GRM3: variants seen among roughly 807,000 people sequenced by gnomAD.
GRM3 encodes metabotropic glutamate receptor 3.
In GRM3, 26 loss-of-function variants were observed where a neutral mutation model predicts 70.5. That is an observed-to-expected ratio of 0.37 (90% CI 0.27 to 0.51). The LOEUF is 0.51. Ranked by LOEUF, GRM3 falls within the 20% of genes least tolerant of loss-of-function variation. The pLI is 0.93. For missense variants in GRM3, 859 were observed against 1,123.8 expected (o/e 0.76, Z 3.37); for synonymous variants, 443 against 434.9 (o/e 1.02, Z -0.23).
intron 3 of GRM3, among the ~76,000 whole-genome samples, chr7:86,835,817 G>T (rs918546089): frequency 6.6e-6 from 1 of 151,996 alleles, no homozygotes; most frequent in Non-Finnish European, 1.5e-5. Context: ...TCATCACATT[G>T]CCCAGGCTGG....
intron 3 of GRM3, among the ~76,000 whole-genome samples, chr7:86,797,257 T>C (rs1235534836): frequency 3.3e-5 from 5 of 152,166 alleles, no homozygotes; most frequent in African/African-American, 1.2e-4. Flanking sequence ...GTGGGAAAGT[T>C]TGGAACTTCC....
intron 1 of GRM3, among the ~76,000 whole-genome samples, chr7:86,669,248 T>C (rs1794109555): frequency 1.3e-5 from 2 of 152,146 alleles, no homozygotes; most frequent in Non-Finnish European, 2.9e-5. Context: ...TCAGAATCAC[T>C]AGGGCTGGGG....
At chr7:86,815,517 C>T (rs930795122) in intron 3 of GRM3, among the ~76,000 whole-genome samples, 2 of 151,876 alleles carry the variant, frequency 1.3e-5, no homozygotes, top group Admixed American at 1.3e-4. Context: ...CAAGTTTCTA[C>T]CATCATATGC....
rs533717559 is a variant in GRM3, at chr7:86,698,522, A to T, written c.-141+53650A>T. 3.0e-4 allele frequency among the ~76,000 whole-genome samples: 43 copies of T among 143,342 alleles called. 1 individual carries two copies. The highest frequency in any genetic ancestry group is 1.7e-3 in the South Asian group (8 of 4,652). 94.0% of individuals were successfully genotyped at this position (143,342 alleles called of 152,430 possible). On this transcript the variant is annotated intron_variant, in intron 1 of 5. Transcript: ENST00000361669. ...AGAGTCCCATGTCTAAAAAGTATTT[A>T]TATATATATATATATAAAATACACA... is the stretch of plus-strand genomic sequence containing the variant.
chr7:86,782,437 G>A (rs1167213648), intron 2 of GRM3, among the ~76,000 whole-genome samples: 1 of 151,950 alleles, frequency 6.6e-6, no homozygotes, highest in East Asian at 1.9e-4. Flanking sequence ...GAATGAGAAA[G>A]TAAGAGGGAT....
At chr7:86,809,505 T>C (rs1479768487) in intron 3 of GRM3, among the ~76,000 whole-genome samples, 17 of 152,020 alleles carry the variant, frequency 1.1e-4, no homozygotes. Context: ...AATCCTCGGG[T>C]TGCTCTAGCC....
chr7:86,734,755 C>T (rs1036574047), intron 1 of GRM3, among the ~76,000 whole-genome samples: 5 of 152,088 alleles, frequency 3.3e-5, no homozygotes, highest in African/African-American at 1.2e-4. Context: ...CTGTATCTTT[C>T]TCTGGCCTAT....
chr7:86,779,967 C>A (rs909216766), intron 2 of GRM3, among the ~76,000 whole-genome samples: 1 of 152,118 alleles, frequency 6.6e-6, no homozygotes, highest in African/African-American at 2.4e-5. Flanking sequence ...GGAAAAGACA[C>A]AAATACTAAT....
chr7:86,713,768 T>C (rs536315998), intron 1 of GRM3, among the ~76,000 whole-genome samples: 36 of 152,112 alleles, frequency 2.4e-4, no homozygotes, highest in Non-Finnish European at 4.4e-4. Context: ...TCTATGTACA[T>C]AGAAAATGTC....
chr7:86,832,906 C>A (rs1443159900), intron 3 of GRM3: 17 of 417,168 alleles, frequency 4.1e-5, no homozygotes, highest in Non-Finnish European at 5.5e-5. Flanking sequence ...AAGTGAAGAC[C>A]TGATTTTGAA....
intron 1 of GRM3, among the ~76,000 whole-genome samples, chr7:86,725,047 A>C (rs1214669807): frequency 1.3e-5 from 2 of 151,940 alleles, no homozygotes; most frequent in African/African-American, 4.8e-5. Flanking sequence ...GCCTGGAAAC[A>C]CTTCTTACTA....
chr7:86,644,686 C>A lies in GRM3; in HGVS notation c.-327C>A. ...GGGGGCACTGTGACAGGAAGCTGCG[C>A]GCACAAGTTGGCCATTTCGAGGGCA... On this transcript the variant is annotated 5_prime_UTR_variant, in exon 1 of 6. Coordinates refer to ENST00000361669, the MANE Select transcript of GRM3 (RefSeq NM_000840.3). 2.7e-6 allele frequency: 2 copies of A among 735,578 alleles called. No individual in the cohort carries two copies. The highest frequency in any genetic ancestry group is 4.2e-6 in the Non-Finnish European group (2 of 481,684). The allele number at this position is 735,578 out of a possible 1,614,324, so 45.6% of individuals were successfully genotyped here.
intron 5 of GRM3, among the ~76,000 whole-genome samples, chr7:86,858,345 T>G (rs1224362583): frequency 6.6e-6 from 1 of 152,152 alleles, no homozygotes; most frequent in Non-Finnish European, 1.5e-5. Flanking sequence ...GTCCTCCAAA[T>G]TTCATGTGTT....
chr7:86,820,414 T>G (rs1212920457), intron 3 of GRM3, among the ~76,000 whole-genome samples: 1 of 152,140 alleles, frequency 6.6e-6, no homozygotes, highest in Non-Finnish European at 1.5e-5. Context: ...TTTAAAGAGA[T>G]AATAGAACTG....
intron 2 of GRM3, among the ~76,000 whole-genome samples, chr7:86,773,586 T>C (rs1349906645): frequency 7.2e-6 from 1 of 139,812 alleles, no homozygotes; most frequent in African/African-American, 2.7e-5. Context: ...ACAGAATCTT[T>C]TCATTTATTT....
intron 1 of GRM3, among the ~76,000 whole-genome samples, chr7:86,676,192 A>G (rs985099866): frequency 2.0e-5 from 3 of 151,992 alleles, no homozygotes; most frequent in African/African-American, 7.2e-5. Context: ...GAAATTCTAT[A>G]AAGATTACCA....
chr7:86,698,444 C>T (rs1424921132), intron 1 of GRM3, among the ~76,000 whole-genome samples: 3 of 151,226 alleles, frequency 2.0e-5, no homozygotes, highest in Non-Finnish European at 2.9e-5. Context: ...CTCAACCCCC[C>T]ACCACAAATA....
intron 1 of GRM3, among the ~76,000 whole-genome samples, chr7:86,702,783 C>T (rs958556658): frequency 6.6e-6 from 1 of 151,932 alleles, no homozygotes; most frequent in Non-Finnish European, 1.5e-5. Flanking sequence ...AGTTCTAACA[C>T]CTGAACACAG....
rs540224564 is a variant in GRM3 at position 86,787,673 on chromosome 7, C to T, written c.1324+557C>T. On this transcript the variant is annotated intron_variant, in intron 3 of 5. Coordinates refer to ENST00000361669, the MANE Select transcript of GRM3 (RefSeq NM_000840.3). ...CATTCCGTTTATTTTTCTGCTATACCAAAACATTTATATATTATTAATAGT... is the reference window on the plus strand; with the variant it reads ...CATTCCGTTTATTTTTCTGCTATACTAAAACATTTATATATTATTAATAGT... 4.9e-4 allele frequency among the ~76,000 whole-genome samples: 75 copies of T among 152,142 alleles called. 1 individual carries two copies. Among genetic ancestry groups the T allele is most frequent in the African/African-American group, 1.4e-3 (60 of 41,518 alleles).
Sources: gnomAD v4.1 joint callset for allele counts (sites outside exome capture counted in the v4.1 genomes callset) on GRCh38, gnomAD v4.1.1 for gene constraint, MANE v1.5 for transcripts, NCBI Gene and HGNC (gene_info 2026-07-23, HGNC 2026-07-21) for gene names.